Variants in ANXA2 observed in about 807,000 individuals in gnomAD.
ANXA2 encodes the protein annexin II.
Under a neutral mutation model 47.3 loss-of-function variants are expected in ANXA2, and 28 were observed. That is an observed-to-expected ratio of 0.59 (90% confidence interval 0.44 to 0.81). The LOEUF is 0.81. Ranked by LOEUF, ANXA2 falls within the 40% of genes least tolerant of loss-of-function variation. The pLI, the probability that ANXA2 is intolerant of heterozygous loss-of-function variation, is 0.00. For missense variants in ANXA2, 384 were observed against 414.3 expected (o/e 0.93, Z 0.64); for synonymous variants, 172 against 155.5 (o/e 1.11, Z -0.79).
chr15:60,351,497 C>A, intron 10 of ANXA2: 1 of 615,572 alleles, frequency 1.6e-6, no homozygotes, highest in Non-Finnish European at 2.9e-6. Context: ...CCACAACACA[C>A]CCCTCTCTCC....
At chr15:60,360,603 GT>G (rs142774008) in intron 5 of ANXA2, among the ~76,000 whole-genome samples, 3,548 of 151,712 alleles carry the variant, frequency 0.023, 109 homozygotes, top group African/African-American at 0.078. Flanking sequence ...AAAGCTATGA[GT>G]TTTTTTTTCT....
chr15:60,383,212 A>T (rs2062886593), intron 2 of ANXA2: 1 of 152,254 alleles, frequency 6.6e-6, no homozygotes, highest in Non-Finnish European at 1.5e-5. Context: ...GTGCAGCCTC[A>T]ACCTCCTGGG....
In ANXA2 at chr15:60,355,907, T is replaced by A; in HGVS notation, c.528+12A>T. On this transcript the variant is annotated intron_variant, in intron 7 of 12. Transcript: ENST00000451270. ...AGGAAGCAAGGGCAAAGAAAGAAAC[T>A]GGGAAACCAACCTTTGCCAGGGCAA... 1 of 1,612,444 alleles carries A rather than the reference T, an allele frequency of 6.2e-7. No homozygotes were observed.
At chr15:60,361,253 C>T (rs74017176) in intron 4 of ANXA2, among the ~76,000 whole-genome samples, 199 bp from the exon 5 acceptor site, 3,716 of 152,228 alleles carry the variant, frequency 0.024, 128 homozygotes, top group African/African-American at 0.077. Flanking sequence ...TTTGCTTCAA[C>T]GAAATTCCTT....
intron 3 of ANXA2, among the ~76,000 whole-genome samples, chr15:60,365,190 GAGTA>G (rs1179892351): frequency 6.6e-5 from 10 of 151,530 alleles, no homozygotes; most frequent in South Asian, 2.1e-4. Context: ...TTATTAAAAA[GAGTA>G]AGTGTTTTAA....
intron 1 of ANXA2, chr15:60,393,077 CTTGA>C: frequency 1.6e-6 from 2 of 1,287,388 alleles, no homozygotes; most frequent in Non-Finnish European, 2.0e-6. Flanking sequence ...GTTTTATGGT[CTTGA>C]TTAATGACTG....
intron 11 of ANXA2, among the ~76,000 whole-genome samples, 154 bp from the exon 12 acceptor site, chr15:60,349,351 A>T (rs1895884909): frequency 6.6e-6 from 1 of 152,244 alleles, no homozygotes; most frequent in South Asian, 2.1e-4. Context: ...ACAATGAAAA[A>T]TTCCACATAC....
intron 6 of ANXA2, among the ~76,000 whole-genome samples, chr15:60,356,294 C>T (rs1329173187): frequency 1.3e-5 from 2 of 152,028 alleles, no homozygotes; most frequent in African/African-American, 4.8e-5. Flanking sequence ...GGCTCCCAGC[C>T]CTCCTGACTG....
rs2062368945 is a variant in ANXA2, at chr15:60,352,776, C to A, written c.589-300G>T. The stretch of plus-strand genomic sequence containing the variant: ...GAGCTTGTATTCATATAAAGAAGAA[C>A]AAGTAAATGTTCATTAACACATCTG... On this transcript the variant is annotated intron_variant, in intron 8 of 12. Coordinates refer to ENST00000451270, the MANE Select transcript of ANXA2 (RefSeq NM_004039.3). The surrounding 1 kb of genome is among the most constrained non-coding windows in gnomAD (Gnocchi z 4.2). 6.6e-6 allele frequency among the ~76,000 whole-genome samples: 1 copy of A among 152,122 alleles called. No homozygotes were observed. The highest frequency in any genetic ancestry group is 2.1e-4 in the South Asian group (1 of 4,826).
chr15:60,389,495 T>C (rs77890680), intron 1 of ANXA2, among the ~76,000 whole-genome samples: 4,190 of 152,300 alleles, frequency 0.028, 189 homozygotes, highest in African/African-American at 0.093. Flanking sequence ...GACAATCTGA[T>C]AGGCTTCTTT....
chr15:60,350,543 A>G (rs9972449), intron 11 of ANXA2, among the ~76,000 whole-genome samples: 118,797 of 152,148 alleles, frequency 0.78, 46,709 homozygotes, highest in Admixed American at 0.85. Context: ...CAGAGGCAGC[A>G]CAGACAAGGG....
At chr15:60,387,621 G>A (rs1246161700) in intron 1 of ANXA2, among the ~76,000 whole-genome samples, 2 of 152,202 alleles carry the variant, frequency 1.3e-5, no homozygotes, top group Non-Finnish European at 2.9e-5. Flanking sequence ...AAAGATCAGG[G>A]ATTCAGGGGA....
intron 3 of ANXA2, among the ~76,000 whole-genome samples, chr15:60,376,012 G>A (rs1372257832): frequency 6.6e-6 from 1 of 152,160 alleles, no homozygotes; most frequent in Non-Finnish European, 1.5e-5. Context: ...TCTGTAGAGG[G>A]CCGTGAACAG....
intron 1 of ANXA2, among the ~76,000 whole-genome samples, chr15:60,389,751 C>T (rs2062982501): frequency 1.3e-5 from 2 of 152,168 alleles, no homozygotes; most frequent in African/African-American, 4.8e-5. Context: ...ATCCTGTAAA[C>T]AGTAAACAGT....
chr15:60,351,847 G>A (rs769618158), intron 9 of ANXA2, 28 bp from the exon 10 acceptor site: 1 of 1,481,926 alleles, frequency 6.7e-7, no homozygotes, highest in Non-Finnish European at 9.4e-7. Flanking sequence ...AGAGTTATCA[G>A]ATCCGAGCCA....
At chr15:60,386,810 GA>G (rs1051019522) in intron 1 of ANXA2, 35 of 152,284 alleles carry the variant, frequency 2.3e-4, no homozygotes, top group African/African-American at 8.4e-4. Flanking sequence ...TCTCGGAATT[GA>G]TACACCCAAT....
At position 60,351,740 on chromosome 15, in the gene ANXA2, A is replaced by G. The variant is rs1325497789; in HGVS notation, c.762T>C (p.Asn254=). 4 of 1,612,290 alleles carry G rather than the reference A, an allele frequency of 2.5e-6. No individual in the cohort carries two copies. In the African/African-American group the frequency reaches 5.3e-5, roughly 22 times the overall value. ...TTCACTTACCCAGGTTCAGGAAAGC[A>G]TTTTCCAGGTCTCCTTTAACCTCTT... ...IRKEVKGDLE[N]AFLNLVQCIQ... The change falls in exon 10 of 13, where the codon AAT becomes AAC. Residue 254 remains asparagine (N), a synonymous_variant. Transcript: ENST00000451270.
chr15:60,368,126 G>A (rs987003890), intron 3 of ANXA2, among the ~76,000 whole-genome samples: 10 of 141,872 alleles, frequency 7.0e-5, no homozygotes, highest in African/African-American at 2.4e-4. Context: ...TGCTCGTTAA[G>A]AGTCATCACC....
intron 5 of ANXA2, among the ~76,000 whole-genome samples, chr15:60,359,478 T>G (rs1369729640): frequency 6.6e-6 from 1 of 152,224 alleles, no homozygotes; most frequent in Non-Finnish European, 1.5e-5. Flanking sequence ...CGACATTTTA[T>G]CATTCTTAAT....
Sources: allele counts gnomAD v4.1 joint callset (sites outside exome capture counted in the v4.1 genomes callset), GRCh38; gene constraint gnomAD v4.1.1; non-coding constraint Gnocchi (gnomAD v3.1); transcripts MANE v1.5; gene names NCBI Gene and HGNC (gene_info 2026-07-23, HGNC 2026-07-21).